The following CAP2 variants were observed in gnomAD, a reference collection of about 807,000 sequenced individuals.
The protein encoded by CAP2 is adenylyl cyclase-associated protein 2.
A neutral mutation model predicts 57.7 loss-of-function variants in CAP2; 24 were observed. The observed-to-expected ratio is 0.42, with a 90% CI of 0.30 to 0.58. The LOEUF (loss-of-function observed/expected upper bound fraction) is 0.58. CAP2 is among the 20% of genes least tolerant of loss of function. The pLI is 0.22. For missense variants in CAP2, 501 were observed against 590.3 expected (o/e 0.85, Z 1.57); for synonymous variants, 194 against 207.2 (o/e 0.94, Z 0.55).
chr6:17,549,029 A>G (rs987374495), intron 11 of CAP2, among the ~76,000 whole-genome samples: 35 of 152,242 alleles, frequency 2.3e-4, no homozygotes, highest in African/African-American at 7.7e-4. Flanking sequence ...GGTCATTTTA[A>G]CTACATTAAA....
intron 6 of CAP2, among the ~76,000 whole-genome samples, chr6:17,510,838 C>T (rs1238807933): frequency 6.6e-6 from 1 of 152,186 alleles, no homozygotes; most frequent in Non-Finnish European, 1.5e-5. Context: ...TGCCTTTTTA[C>T]CTTCCACCCT....
chr6:17,401,742 T>A lies in CAP2; in HGVS notation c.-2+7996T>A, dbSNP rs576824069. ...ATTTTTTTTAAGTTTACATTTTTAT[T>A]TCTCCTCCATTTGAATTTCTTCTCT... On this transcript the variant is annotated intron_variant, in intron 1 of 12. Transcript: ENST00000229922. 2.2e-4 allele frequency among the ~76,000 whole-genome samples: 34 copies of A among 152,310 alleles called. 2 individuals carry two copies. The South Asian group carries it at 6.6e-3, about 30-fold the overall frequency.
chr6:17,539,493 C>G, intron 8 of CAP2, 35 bp downstream of exon 8: 1 of 1,552,072 alleles, frequency 6.4e-7, no homozygotes, highest in Non-Finnish European at 8.8e-7. Flanking sequence ...AGCTGCCTCC[C>G]TTTCCCTCTG....
intron 4 of CAP2, among the ~76,000 whole-genome samples, chr6:17,477,643 C>A (rs1309815232): frequency 6.6e-6 from 1 of 152,126 alleles, no homozygotes; most frequent in Non-Finnish European, 1.5e-5. Flanking sequence ...TTAGGGGATG[C>A]ACAGAGGAGA....
chr6:17,440,609 T>TG (rs1363042092), intron 3 of CAP2, among the ~76,000 whole-genome samples: 1 of 27,542 alleles, frequency 3.6e-5, no homozygotes, highest in Non-Finnish European at 5.8e-5. Context: ...AAACAAACTG[T>TG]GTGTGGTGTG....
chr6:17,438,194 C>T lies in CAP2; in HGVS notation c.222+11504C>T, dbSNP rs193213305. Reference sequence around the variant, plus strand: ...CAGCTTGGCCAACATGGTGAAACCCCGTCTCTACTAAAAATACAAAAATTA... The same window carrying T: ...CAGCTTGGCCAACATGGTGAAACCCTGTCTCTACTAAAAATACAAAAATTA... On this transcript the variant is annotated intron_variant, in intron 3 of 12. Transcript: ENST00000229922. 3.3e-3 allele frequency among the ~76,000 whole-genome samples: 492 copies of T among 149,832 alleles called. 21 individuals are homozygous for T. Among genetic ancestry groups the T allele is most frequent in the African/African-American group, 0.011 (449 of 40,206 alleles).
Position 17,396,620 on chromosome 6 carries a change from A to AT in CAP2, c.-2+2880dup, listed in dbSNP as rs562280620. ...GGAAATGTATACAGCTAGAAAGTAG[A>AT]TTTTTTGTTGCTTAGGGCTGAAGGG... is the stretch of plus-strand genomic sequence containing the variant. On this transcript the variant is annotated intron_variant, in intron 1 of 12. Coordinates refer to ENST00000229922, the MANE Select transcript of CAP2 (RefSeq NM_006366.3). Among the ~76,000 whole-genome samples, 14 of 152,272 alleles carry AT rather than the reference A, an allele frequency of 9.2e-5. No individual in the cohort carries two copies. The South Asian group carries it at 2.5e-3, about 27-fold the overall frequency.
chr6:17,540,669 G>A (rs112361583), intron 8 of CAP2, among the ~76,000 whole-genome samples: 8,396 of 152,068 alleles, frequency 0.055, 281 homozygotes, highest in Middle Eastern at 0.095. Flanking sequence ...CAGGAGAATC[G>A]CTTGAACCCA....
At chr6:17,535,286 T>A (rs1267202841) in intron 7 of CAP2, among the ~76,000 whole-genome samples, 3 of 151,592 alleles carry the variant, frequency 2.0e-5, no homozygotes, top group Admixed American at 2.0e-4. Flanking sequence ...TTTTTTTTTT[T>A]TTTTTGAGAT....
At chr6:17,402,889 T>C (rs1027547767) in intron 1 of CAP2, among the ~76,000 whole-genome samples, 2 of 152,230 alleles carry the variant, frequency 1.3e-5, no homozygotes, top group African/African-American at 4.8e-5. Context: ...GAAATTTGTC[T>C]TCTCAATTTT....
At chr6:17,516,674 C>G (rs1762280704) in intron 7 of CAP2, among the ~76,000 whole-genome samples, 2 of 152,188 alleles carry the variant, frequency 1.3e-5, no homozygotes, top group Admixed American at 1.3e-4. Flanking sequence ...GAATTCCATT[C>G]AGAGGTAAAA....
chr6:17,408,786 G>A (rs972959478), intron 1 of CAP2, among the ~76,000 whole-genome samples: 13 of 147,548 alleles, frequency 8.8e-5, no homozygotes, highest in African/African-American at 1.8e-4. Flanking sequence ...TCAGCCTCCC[G>A]AGTAGCTCGA....
intron 4 of CAP2, among the ~76,000 whole-genome samples, chr6:17,496,027 T>TGGCCG (rs3075209): frequency 2.3e-5 from 1 of 44,314 alleles, no homozygotes; most frequent in Non-Finnish European, 3.8e-5. Context: ...CGTGTGTGGG[T>TGGCCG]GGGGGGGGGG....
chr6:17,441,101 G>A (rs1760062063), intron 3 of CAP2, among the ~76,000 whole-genome samples: 1 of 151,264 alleles, frequency 6.6e-6, no homozygotes, highest in South Asian at 2.1e-4. Flanking sequence ...ATCTATAGAT[G>A]CTAAAAATAT....
At chr6:17,427,940 G>T (rs924256909) in intron 3 of CAP2, among the ~76,000 whole-genome samples, 1 of 152,172 alleles carries the variant, frequency 6.6e-6, no homozygotes, top group Non-Finnish European at 1.5e-5. Flanking sequence ...TGCCTAGGGC[G>T]GTCAAATTTG....
At chr6:17,413,680 A>T (rs1759198823) in intron 1 of CAP2, among the ~76,000 whole-genome samples, 1 of 152,200 alleles carries the variant, frequency 6.6e-6, no homozygotes, top group South Asian at 2.1e-4. Context: ...AGTAATAGTG[A>T]ATCACAGGGT....
intron 11 of CAP2, among the ~76,000 whole-genome samples, chr6:17,544,786 C>T (rs1469532404): frequency 1.3e-5 from 2 of 152,164 alleles, no homozygotes; most frequent in African/African-American, 4.8e-5. Context: ...AACTCCTGAC[C>T]TCAAGTGGTC....
chr6:17,444,849 G>A (rs911358815), intron 3 of CAP2, among the ~76,000 whole-genome samples: 2 of 102,972 alleles, frequency 1.9e-5, no homozygotes, highest in Non-Finnish European at 4.4e-5. Flanking sequence ...CACACAACAC[G>A]AGTCCTGATT....
At chr6:17,453,489 C>A (rs1435956699) in intron 3 of CAP2, among the ~76,000 whole-genome samples, 1 of 152,210 alleles carries the variant, frequency 6.6e-6, no homozygotes, top group Non-Finnish European at 1.5e-5. Context: ...CCAGTAAAGT[C>A]AGCTCCCGTA....
Sources: gnomAD v4.1 joint callset for allele counts (sites outside exome capture counted in the v4.1 genomes callset) on GRCh38, gnomAD v4.1.1 for gene constraint, MANE v1.5 for transcripts, NCBI Gene and HGNC (gene_info 2026-07-23, HGNC 2026-07-21) for gene names.